TTC13: variants seen among roughly 807,000 people sequenced by gnomAD.
TTC13 encodes tetratricopeptide repeat domain 13.
TTC13 carries 62 observed loss-of-function variants against 120.0 expected under a neutral mutation model. The ratio of observed to expected loss-of-function variants is 0.52; its 90% CI spans 0.42 to 0.64. TTC13 has a LOEUF of 0.64. TTC13 is among the 30% of genes least tolerant of loss of function. TTC13 has a pLI of 0.00. For synonymous variants in TTC13, 384 were observed against 393.5 expected, an observed-to-expected ratio of 0.98 and a Z score of 0.28; for missense variants, 824 against 1,050.2, an observed-to-expected ratio of 0.78 and a Z score of 2.98.
chr1:230,948,217 C>T (rs1675190893), intron 4 of TTC13, among the ~76,000 whole-genome samples: 1 of 152,056 alleles, frequency 6.6e-6, no homozygotes, highest in South Asian at 2.1e-4. Flanking sequence ...TACACACATA[C>T]ACATGTGCAC....
intron 4 of TTC13, among the ~76,000 whole-genome samples, chr1:230,946,172 CT>C (rs1259711187): frequency 6.6e-6 from 1 of 152,148 alleles, no homozygotes; most frequent in African/African-American, 2.4e-5. Context: ...TACATTTAGC[CT>C]CTACAATTTT....
At chr1:230,920,738 C>A in intron 16 of TTC13, 144 bp from the exon 17 acceptor site, 1 of 487,814 alleles carries the variant, frequency 2.0e-6, no homozygotes. Context: ...ATAAACCTTC[C>A]AAATAACGGG....
intron 1 of TTC13, among the ~76,000 whole-genome samples, chr1:230,969,881 T>C (rs569395114): frequency 1.3e-5 from 2 of 152,346 alleles, no homozygotes; most frequent in Non-Finnish European, 1.5e-5. Flanking sequence ...AAAATCGCAG[T>C]GTTTTTTTGT....
intron 15 of TTC13, among the ~76,000 whole-genome samples, chr1:230,922,671 CCT>C (rs1558175881): frequency 6.6e-6 from 1 of 152,200 alleles, no homozygotes; most frequent in Non-Finnish European, 1.5e-5. Flanking sequence ...AATCACCCCA[CCT>C]CTCTCTGTTT....
chr1:230,933,902 G>A (rs756476404), intron 8 of TTC13, 41 bp from the exon 9 acceptor site: 4 of 1,310,286 alleles, frequency 3.1e-6, no homozygotes, highest in Non-Finnish European at 2.2e-6. Flanking sequence ...TTGCATAATT[G>A]TTAAAATTGA....
chr1:230,936,662 A>T (rs754572142), intron 8 of TTC13: 6 of 139,922 alleles, frequency 4.3e-5, no homozygotes, highest in Non-Finnish European at 9.2e-5. Flanking sequence ...ATTGCCTAAT[A>T]TACTTCTAAC....
At chr1:230,971,130 G>C (rs936302308) in intron 1 of TTC13, among the ~76,000 whole-genome samples, 1 of 152,018 alleles carries the variant, frequency 6.6e-6, no homozygotes, top group African/African-American at 2.4e-5. Flanking sequence ...CGGATCACGA[G>C]GTCAGGAGAT....
intron 4 of TTC13, among the ~76,000 whole-genome samples, chr1:230,946,704 T>G (rs1190463763): frequency 6.6e-6 from 1 of 152,214 alleles, no homozygotes; most frequent in African/African-American, 2.4e-5. Context: ...ACTGGCTGTC[T>G]CTATAGATGA....
intron 19 of TTC13, among the ~76,000 whole-genome samples, chr1:230,912,413 G>A (rs1352267351): frequency 2.6e-5 from 4 of 152,122 alleles, no homozygotes; most frequent in Non-Finnish European, 5.9e-5. Context: ...ATGTCATAGT[G>A]CAGTACTAAA....
Position 230,931,325 on chromosome 1 carries a change from C to CTTTA in TTC13, c.1272_1273insTAAA (p.Glu425Ter), listed in dbSNP as rs776011628. ...CGGAGATACTTTACTTTAAGATACT[C>CTTTA]AGGGCTAGCCTTCTGGCCTGGGAGA... On this transcript the variant is annotated stop_gained and frameshift_variant, in exon 11 of 23. Coordinates refer to ENST00000366661, the MANE Select transcript of TTC13 (RefSeq NM_024525.5). LOFTEE classifies it high-confidence loss of function. 2.5e-6 allele frequency: 4 copies of CTTTA among 1,614,036 alleles called. No homozygotes were observed. The South Asian group carries it at 4.4e-5, about 18-fold the overall frequency.
At chr1:230,939,567 G>T in intron 7 of TTC13, 71 bp from the exon 8 acceptor site, 1 of 1,068,720 alleles carries the variant, frequency 9.4e-7, no homozygotes, top group Non-Finnish European at 1.4e-6. Flanking sequence ...CTAATTTTTG[G>T]CTGGTAGAGA....
Position 230,906,937 on chromosome 1 carries a change from C to T in TTC13, c.2551G>A (p.Asp851Asn), listed in dbSNP as rs1275206379. 1.3e-6 allele frequency: 2 copies of T among 1,533,336 alleles called. No homozygotes were observed. The highest frequency in any genetic ancestry group is 5.1e-5 in the East Asian group (2 of 39,360). The allele number at this position is 1,533,336 out of a possible 1,614,324, so 95.0% of individuals were successfully genotyped here. ...TTCTTAAGACAACGTGGAGAAGAGT[C>T]TGTGTTTAGCACCTCAATCATCGAT... ...LRSMIEVLNTDSSPRCLKKL is the reference protein window; with the variant it reads ...LRSMIEVLNTNSSPRCLKKL Residue 851 changes from aspartate (D) to asparagine (N), a missense_variant, in exon 23 of 23, where the codon GAC becomes AAC. Physicochemically the swap from Asp to Asn is conservative, Grantham distance 23 (BLOSUM62 1). Transcript: ENST00000366661.
intron 3 of TTC13, among the ~76,000 whole-genome samples, chr1:230,954,715 T>C (rs1374377695): frequency 6.6e-6 from 1 of 152,248 alleles, no homozygotes; most frequent in Non-Finnish European, 1.5e-5. Flanking sequence ...TGATGTCTCC[T>C]AGCTATCACA....
intron 17 of TTC13, 109 bp downstream of exon 17, chr1:230,920,401 T>C (rs1672467979): frequency 1.3e-6 from 1 of 784,432 alleles, no homozygotes. Flanking sequence ...AATGTGTTCA[T>C]ACGAGTGATT....
chr1:230,963,193 G>T (rs1307503901), intron 1 of TTC13, among the ~76,000 whole-genome samples: 1 of 152,136 alleles, frequency 6.6e-6, no homozygotes, highest in African/African-American at 2.4e-5. Context: ...ATCAGTCTGT[G>T]TCCTCAAAGA....
rs1221004726 is a variant in TTC13 at position 230,961,191 on chromosome 1, CAG to C, written c.366+16_366+17del. On this transcript the variant is annotated intron_variant, in intron 2 of 22. Transcript: ENST00000366661. ...GGCTTCAGGTTACAAAAACAGAACA[CAG>C]AGAGAAGATGCATACCAGAATCTTC... 1 of 1,602,528 alleles carries C rather than the reference CAG, an allele frequency of 6.2e-7. No homozygotes were observed. Among genetic ancestry groups the C allele is most frequent in the East Asian group, 2.2e-5 (1 of 44,812 alleles).
chr1:230,965,564 T>C (rs1677048429), intron 1 of TTC13, among the ~76,000 whole-genome samples: 1 of 152,168 alleles, frequency 6.6e-6, no homozygotes, highest in Non-Finnish European at 1.5e-5. Context: ...AGTTTGGAGG[T>C]TCCTCAAAAA....
At position 230,931,778 on chromosome 1, in the gene TTC13, G is replaced by C; in HGVS notation, c.1083C>G (p.Leu361=). ...CTTCCTGTAAGCTGCCGTGGTGGTAGAGCATCATTCCCCGGAGCTGGAGGG... is the reference window on the plus strand; with the variant it reads ...CTTCCTGTAAGCTGCCGTGGTGGTACAGCATCATTCCCCGGAGCTGGAGGG... ...VQTLQLRGMM[L]YHHGSLQEAL... Residue 361 remains leucine, a synonymous_variant, in exon 10 of 23, where the codon CTC becomes CTG. Coordinates refer to ENST00000366661, the MANE Select transcript of TTC13 (RefSeq NM_024525.5). The C allele has an allele frequency of 6.2e-7, 1 of 1,614,174 alleles. No individual in the cohort carries two copies. The highest frequency in any genetic ancestry group is 8.5e-7 in the Non-Finnish European group (1 of 1,180,018).
intron 2 of TTC13, among the ~76,000 whole-genome samples, chr1:230,958,782 G>A (rs1442664002): frequency 2.6e-5 from 4 of 152,110 alleles, no homozygotes; most frequent in African/African-American, 2.4e-5. Flanking sequence ...CTTGAGCTCC[G>A]GAATTTCGAG....
Sources: allele counts gnomAD v4.1 joint callset (sites outside exome capture counted in the v4.1 genomes callset), GRCh38; gene constraint gnomAD v4.1.1; transcripts MANE v1.5; gene names NCBI Gene and HGNC (gene_info 2026-07-23, HGNC 2026-07-21).